Variants in SCTR observed in about 807,000 individuals in gnomAD.
The protein encoded by SCTR is secretin receptor.
In SCTR, 56 loss-of-function variants were observed where a neutral mutation model predicts 60.8. That is an observed-to-expected ratio of 0.92 (90% CI 0.74 to 1.15). The LOEUF is 1.15. Ranked by LOEUF, SCTR falls within the 50% of genes most tolerant of loss-of-function variation. SCTR has a pLI of 0.00. For missense variants in SCTR, 562 were observed against 550.4 expected (o/e 1.02, Z -0.21); for synonymous variants, 202 against 217.0 (o/e 0.93, Z 0.61).
intron 7 of SCTR, 39 bp downstream of exon 7, chr2:119,461,808 C>T: frequency 6.4e-7 from 1 of 1,566,934 alleles, no homozygotes; most frequent in South Asian, 1.2e-5. Context: ...CACCCCTTCC[C>T]ACATACCATG....
chr2:119,511,230 T>C (rs1678921241), intron 1 of SCTR, among the ~76,000 whole-genome samples: 2 of 152,026 alleles, frequency 1.3e-5, no homozygotes, highest in African/African-American at 4.8e-5. Context: ...AAAAATTATA[T>C]TCTTTTACTG....
At chr2:119,456,443 T>C (rs1381706292) in intron 7 of SCTR, among the ~76,000 whole-genome samples, 1 of 152,096 alleles carries the variant, frequency 6.6e-6, no homozygotes, top group Non-Finnish European at 1.5e-5. Context: ...ATTAAAAAAA[T>C]GTTCCTTTCA....
chr2:119,503,567 T>A (rs974368700), intron 1 of SCTR, among the ~76,000 whole-genome samples: 1 of 152,014 alleles, frequency 6.6e-6, no homozygotes, highest in African/African-American at 2.4e-5. Context: ...TAATCTCAAC[T>A]GTATGGAAAA....
intron 2 of SCTR, among the ~76,000 whole-genome samples, chr2:119,481,242 G>A (rs1207686870): frequency 6.6e-6 from 1 of 152,210 alleles, no homozygotes; most frequent in Admixed American, 6.5e-5. Context: ...TTTTTAAGGA[G>A]CAAGAACCTG....
chr2:119,473,603 G>T, intron 3 of SCTR, 47 bp from the exon 4 acceptor site: 2 of 1,155,478 alleles, frequency 1.7e-6, no homozygotes, highest in Non-Finnish European at 2.6e-6. Context: ...CCCAGGCACT[G>T]TGATTTTCAT....
rs140677194 is a variant in SCTR at position 119,469,316 on chromosome 2, G to T, written c.406-3430C>A. On this transcript the variant is annotated intron_variant, in intron 4 of 12. Coordinates refer to ENST00000019103, the MANE Select transcript of SCTR (RefSeq NM_002980.3). ...TGAAGAGGCACAGGGTGACAAGGGG[G>T]GTGTCATGCAGAAGATTCTGCACTG... Among the ~76,000 whole-genome samples the T allele has an allele frequency of 1.9e-3, 286 of 152,242 alleles. 1 individual carries two copies. Among genetic ancestry groups the T allele is most frequent in the Middle Eastern group, 0.014 (4 of 294 alleles).
At chr2:119,512,321 C>G (rs1217710984) in intron 1 of SCTR, among the ~76,000 whole-genome samples, 5 of 60,016 alleles carry the variant, frequency 8.3e-5, no homozygotes, top group African/African-American at 3.9e-4. Context: ...CCTTCCCCTT[C>G]CCCTTCCCCT....
At position 119,441,594 on chromosome 2, in the gene SCTR, C is replaced by T. The variant is rs754094075; in HGVS notation, c.1146G>A (p.Leu382=). 2 of 1,613,108 alleles carry T rather than the reference C, an allele frequency of 1.2e-6. No homozygotes were observed. Among genetic ancestry groups the T allele is most frequent in the Non-Finnish European group, 1.7e-6 (2 of 1,179,522 alleles). The change falls in exon 12 of 13, where the codon CTG becomes CTA. Residue 382 remains leucine (L), a synonymous_variant. Coordinates refer to ENST00000019103, the MANE Select transcript of SCTR (RefSeq NM_002980.3). ...FELALGSFQG[L]VVAVLYCFLN... ...GGAAGCAGTAGAGGACGGCCACCAC[C>T]AGTCCCTGCCAGAAGAAGAGAGGTA...
intron 8 of SCTR, among the ~76,000 whole-genome samples, chr2:119,452,473 G>A (rs1019122093): frequency 2.0e-5 from 3 of 152,200 alleles, no homozygotes; most frequent in Non-Finnish European, 4.4e-5. Context: ...GGAGGGTACT[G>A]AGCAAACTGG....
At chr2:119,501,551 C>A (rs1396481248) in intron 1 of SCTR, among the ~76,000 whole-genome samples, 1 of 151,974 alleles carries the variant, frequency 6.6e-6, no homozygotes, top group Non-Finnish European at 1.5e-5. Context: ...TAAGTTCTAG[C>A]CTTTGATAAT....
chr2:119,444,452 C>CACATATATACGTAT (rs1682817229), intron 11 of SCTR, among the ~76,000 whole-genome samples: 18 of 70,636 alleles, frequency 2.5e-4, no homozygotes, highest in Admixed American at 4.2e-4. Flanking sequence ...TATATACGTA[C>CACATATATACGTAT]GTATATATAT....
At chr2:119,524,020 T>C (rs916938540) in intron 1 of SCTR, 135 bp downstream of exon 1, 1 of 681,416 alleles carries the variant, frequency 1.5e-6, no homozygotes, top group South Asian at 1.7e-5. Flanking sequence ...GTTGGGAGGA[T>C]TGGGAGGGAA....
intron 11 of SCTR, among the ~76,000 whole-genome samples, chr2:119,441,835 T>C (rs1682668525): frequency 6.6e-6 from 1 of 151,474 alleles, no homozygotes; most frequent in African/African-American, 2.5e-5. Flanking sequence ...TAGGCTCCCT[T>C]TTGAACACAT....
rs116227159 is a variant in SCTR, at chr2:119,506,404, C to A, written c.73-11856G>T. 2.0e-5 allele frequency among the ~76,000 whole-genome samples: 3 copies of A among 152,114 alleles called. No homozygotes were observed. In the East Asian group the frequency reaches 5.8e-4, roughly 29 times the overall value. ...TATGCTGAATGAAAAGAAGCTAATG[C>A]GAAGAAATTACATACTATATTATTC... On this transcript the variant is annotated intron_variant, in intron 1 of 12. Transcript: ENST00000019103.
rs553473893 is a variant in SCTR, at chr2:119,501,752, A to G, written c.73-7204T>C. On this transcript the variant is annotated intron_variant, in intron 1 of 12. Transcript: ENST00000019103. ...AATTACCTCCAAAATATGTAAAACT[A>G]TGATACACCAATCAAAAAATACAAA... Among the ~76,000 whole-genome samples, 14 of 152,020 alleles carry G rather than the reference A, an allele frequency of 9.2e-5. No individual in the cohort carries two copies. In the East Asian group the frequency reaches 2.7e-3, roughly 29 times the overall value.
chr2:119,475,287 A>G (rs1319855650), intron 3 of SCTR, among the ~76,000 whole-genome samples: 1 of 152,214 alleles, frequency 6.6e-6, no homozygotes, highest in Admixed American at 6.5e-5. Context: ...AAATTCCCCC[A>G]AGGCCAGAAT....
intron 4 of SCTR, among the ~76,000 whole-genome samples, chr2:119,469,691 C>T (rs1342150959): frequency 6.6e-6 from 1 of 152,170 alleles, no homozygotes; most frequent in Non-Finnish European, 1.5e-5. Flanking sequence ...TAGGGTCTCC[C>T]TATGTGGCCC....
At chr2:119,475,461 A>T (rs1029625118) in intron 3 of SCTR, among the ~76,000 whole-genome samples, 1 of 151,998 alleles carries the variant, frequency 6.6e-6, no homozygotes, top group Non-Finnish European at 1.5e-5. Context: ...CTAACAAGGC[A>T]GGGCCCCCTG....
chr2:119,473,219 C>A (rs781139415), intron 4 of SCTR, among the ~76,000 whole-genome samples: 32 of 152,140 alleles, frequency 2.1e-4, no homozygotes, highest in Non-Finnish European at 1.9e-4. Context: ...CAGTTCCTAC[C>A]TGTGCCTGGG....
Sources: allele counts gnomAD v4.1 joint callset (sites outside exome capture counted in the v4.1 genomes callset), GRCh38; gene constraint gnomAD v4.1.1; transcripts MANE v1.5; gene names NCBI Gene and HGNC (gene_info 2026-07-23, HGNC 2026-07-21).